ST7: variants seen among roughly 807,000 people sequenced by gnomAD.
ST7 encodes suppressor of tumorigenicity 7 protein.
ST7 carries 28 observed loss-of-function variants against 78.7 expected under a neutral mutation model. The observed-to-expected ratio is 0.36, with a 90% confidence interval of 0.26 to 0.49. The LOEUF is 0.49. ST7 is among the 20% of genes least tolerant of loss of function. ST7 has a pLI of 0.99. For synonymous variants in ST7, 247 were observed against 249.6 expected, an observed-to-expected ratio of 0.99 and a Z score of 0.10; for missense variants, 418 against 696.0, an observed-to-expected ratio of 0.60 and a Z score of 4.49.
intron 9 of ST7, among the ~76,000 whole-genome samples, chr7:117,169,117 T>G (rs549084913): frequency 7.8e-4 from 116 of 148,658 alleles, no homozygotes; most frequent in African/African-American, 2.5e-3. Flanking sequence ...AGATTTTACC[T>G]TCTTTTTTTA....
At chr7:117,186,507 G>A (rs1488944743) in intron 10 of ST7, among the ~76,000 whole-genome samples, 6 of 152,132 alleles carry the variant, frequency 3.9e-5, no homozygotes, top group Non-Finnish European at 8.8e-5. Context: ...ACTCAGAATG[G>A]CATGCTGTTT....
At chr7:117,114,750 G>A (rs537441671) in intron 2 of ST7, among the ~76,000 whole-genome samples, 50 of 152,292 alleles carry the variant, frequency 3.3e-4, no homozygotes, top group African/African-American at 1.2e-3. Flanking sequence ...TATAGAATAT[G>A]CAATTCAAAA....
chr7:117,142,683 C>A (rs1024360680), intron 9 of ST7, among the ~76,000 whole-genome samples: 2 of 152,224 alleles, frequency 1.3e-5, no homozygotes, highest in East Asian at 3.9e-4. Flanking sequence ...ATGATCTTGG[C>A]TCACTGCAAC....
chr7:117,187,100 C>T (rs1661609713), intron 10 of ST7, among the ~76,000 whole-genome samples: 1 of 152,208 alleles, frequency 6.6e-6, no homozygotes, highest in Admixed American at 6.5e-5. Context: ...TAGAGTGATT[C>T]ATCCCTCCTT....
At chr7:117,141,503 G>A (rs985063160) in intron 9 of ST7, among the ~76,000 whole-genome samples, 3 of 152,142 alleles carry the variant, frequency 2.0e-5, no homozygotes, top group South Asian at 2.1e-4. Flanking sequence ...AAAGCAACAC[G>A]TTAATTATTT....
At chr7:117,172,736 G>A (rs1429514286) in intron 10 of ST7, among the ~76,000 whole-genome samples, 1 of 152,142 alleles carries the variant, frequency 6.6e-6, no homozygotes, top group Non-Finnish European at 1.5e-5. Flanking sequence ...AGGCAGCAGT[G>A]CACTTTTCCA....
rs763334844 is a variant in ST7 at position 117,136,096 on chromosome 7, T to C, written c.726T>C (p.Tyr242=). ...IKLLPKCATA[Y]ILLAEEEATT... ...GAATGAACAGGTGTGCAACTGCTTA[T>C]ATTCTCTTGGCTGAAGAGGAAGCAA... The change falls in exon 8 of 16, where the codon TAT becomes TAC. Residue 242 remains tyrosine (Y), a synonymous_variant. Transcript: ENST00000323984. 6.2e-7 allele frequency: 1 copy of C among 1,613,422 alleles called. No individual in the cohort carries two copies. Among genetic ancestry groups the C allele is most frequent in the Non-Finnish European group, 8.5e-7 (1 of 1,179,536 alleles).
At chr7:116,989,063 T>G (rs1477541176) in intron 1 of ST7, among the ~76,000 whole-genome samples, 1 of 152,180 alleles carries the variant, frequency 6.6e-6, no homozygotes, top group Admixed American at 6.5e-5. Flanking sequence ...AGAAGACACA[T>G]TAACAAAGAG....
Position 117,209,954 on chromosome 7 carries a change from T to G in ST7, c.1405+17T>G. 1 of 1,601,460 alleles carries G rather than the reference T, an allele frequency of 6.2e-7. No individual in the cohort carries two copies. Among genetic ancestry groups the G allele is most frequent in the Non-Finnish European group, 8.5e-7 (1 of 1,177,092 alleles). On this transcript the variant is annotated intron_variant, in intron 13 of 15. Coordinates refer to ENST00000323984, the MANE Select transcript of ST7 (RefSeq NM_001369598.1). ...GGGAAGGCAGTAAGTAATTTTCTTT[T>G]TTTGAAACATTTTTAAGAGCATGAA... is the stretch of plus-strand genomic sequence containing the variant.
At chr7:117,214,123 A>G (rs889899474) in intron 13 of ST7, among the ~76,000 whole-genome samples, 2 of 151,966 alleles carry the variant, frequency 1.3e-5, no homozygotes, top group African/African-American at 4.8e-5. Flanking sequence ...TTTTGGCTGT[A>G]TTTATTTTAG....
chr7:117,163,175 C>T (rs1404728186), intron 9 of ST7, among the ~76,000 whole-genome samples: 2 of 152,152 alleles, frequency 1.3e-5, no homozygotes, highest in African/African-American at 4.8e-5. Context: ...ATCCATTCAT[C>T]TGTTGTTGGA....
intron 12 of ST7, among the ~76,000 whole-genome samples, chr7:117,197,045 G>A (rs1006851676): frequency 2.6e-5 from 4 of 151,926 alleles, no homozygotes; most frequent in Admixed American, 6.6e-5. Flanking sequence ...TTTCCCACCC[G>A]CTGACCCAAG....
At chr7:117,085,902 G>A (rs940552928) in intron 1 of ST7, among the ~76,000 whole-genome samples, 3 of 151,916 alleles carry the variant, frequency 2.0e-5, no homozygotes, top group Admixed American at 6.6e-5. Context: ...AAGGCAACAC[G>A]AACTAGTAAT....
chr7:117,170,316 A>G (rs1807891280), intron 9 of ST7, among the ~76,000 whole-genome samples: 1 of 152,258 alleles, frequency 6.6e-6, no homozygotes, highest in Non-Finnish European at 1.5e-5. Context: ...TTTACAAAAT[A>G]ATAATTGATA....
intron 1 of ST7, among the ~76,000 whole-genome samples, chr7:116,961,315 A>G (rs983843378): frequency 1.3e-5 from 2 of 152,182 alleles, no homozygotes; most frequent in South Asian, 2.1e-4. Context: ...TTTTGGTTCC[A>G]TATGAATTTT....
At chr7:117,004,518 G>A (rs1271365696) in intron 1 of ST7, among the ~76,000 whole-genome samples, 7 of 152,182 alleles carry the variant, frequency 4.6e-5, no homozygotes, top group Admixed American at 3.9e-4. Context: ...AAAATTAGTC[G>A]GGTGTGGTGG....
At chr7:117,031,871 T>G (rs1229735869) in intron 1 of ST7, among the ~76,000 whole-genome samples, 1 of 53,812 alleles carries the variant, frequency 1.9e-5, no homozygotes, top group African/African-American at 8.0e-5. Flanking sequence ...TCTATCTATC[T>G]ATATATATAT....
chr7:117,034,139 C>G (rs570812255), intron 1 of ST7, among the ~76,000 whole-genome samples: 2 of 152,072 alleles, frequency 1.3e-5, no homozygotes, highest in East Asian at 3.9e-4. Context: ...CAGTCTTGCT[C>G]TATTGCCCAG....
intron 14 of ST7, 79 bp from the exon 15 acceptor site, chr7:117,221,844 G>T: frequency 6.9e-7 from 1 of 1,444,278 alleles, no homozygotes; most frequent in Non-Finnish European, 9.2e-7. Context: ...AAGCTCTGGA[G>T]TCAGTGCCAC....
Sources: gnomAD v4.1 joint callset for allele counts (sites outside exome capture counted in the v4.1 genomes callset) on GRCh38, gnomAD v4.1.1 for gene constraint, MANE v1.5 for transcripts, NCBI Gene and HGNC (gene_info 2026-07-23, HGNC 2026-07-21) for gene names.